LCK: variants seen among roughly 807,000 people sequenced by gnomAD.
The protein encoded by LCK is LCK proto-oncogene, Src family tyrosine kinase.
In LCK, 14 loss-of-function variants were observed where a neutral mutation model predicts 64.6. The ratio of observed to expected loss-of-function variants is 0.22; its 90% CI spans 0.14 to 0.34. LCK has a LOEUF of 0.34. Among genes scored for constraint, LCK ranks in the 10% least tolerant of loss-of-function variants. The pLI is 1.00. For synonymous variants in LCK, 277 were observed against 263.6 expected, an observed-to-expected ratio of 1.05 and a Z score of -0.49; for missense variants, 434 against 668.1, an observed-to-expected ratio of 0.65 and a Z score of 3.86.
At position 32,275,491 on chromosome 1, in the gene LCK, G is replaced by T; in HGVS notation, c.377+72G>T. The T allele has an allele frequency of 6.3e-7, 1 of 1,574,922 alleles. No homozygotes were observed. Among genetic ancestry groups the T allele is most frequent in the South Asian group, 1.1e-5 (1 of 88,394 alleles). The stretch of plus-strand genomic sequence containing the variant: ...TCCTGGAGCAGGGAGTAGGCCTGGG[G>T]TGGCGGTGAAGGCTTGAGGGCCACG... On this transcript the variant is annotated intron_variant, in intron 5 of 12. Coordinates refer to ENST00000336890, the MANE Select transcript of LCK (RefSeq NM_005356.5). This position sits in a 1 kb window ranked among gnomAD's most constrained non-coding sequence, Gnocchi z 6.9.
At chr1:32,282,618 A>T (rs2124376702) in intron 12 of LCK, among the ~76,000 whole-genome samples, 1 of 152,190 alleles carries the variant, frequency 6.6e-6, no homozygotes, top group African/African-American at 2.4e-5. Context: ...AGCCTGGCCA[A>T]CATGGTGAAA....
In LCK at chr1:32,276,649, A is replaced by T. The variant is rs1221231626; in HGVS notation, c.827A>T (p.Lys276Met). ...GHTKVAVKSL[K>M]QGSMSPDAFL... ...ACGAAGGTGGCGGTGAAGAGCCTGA[A>T]GCAGGGCAGCATGTCCCCGGACGCC... is the stretch of plus-strand genomic sequence containing the variant. Residue 276 changes from lysine to methionine, a missense_variant, in exon 9 of 13, where the codon AAG becomes ATG. By Grantham distance (95) the Lys-to-Met change is moderately conservative (BLOSUM62 -1). This residue lies in a region of LCK where 201 missense variants were observed against 376.9 expected (regional missense o/e 0.53). Coordinates refer to ENST00000336890, the MANE Select transcript of LCK (RefSeq NM_005356.5). The surrounding 1 kb of genome is among the most constrained non-coding windows in gnomAD (Gnocchi z 4.6). 6.2e-7 allele frequency: 1 copy of T among 1,613,944 alleles called. No individual in the cohort carries two copies. The highest frequency in any genetic ancestry group is 8.5e-7 in the Non-Finnish European group (1 of 1,179,922).
intron 1 of LCK, among the ~76,000 whole-genome samples, chr1:32,272,492 G>A (rs568448800): frequency 6.6e-5 from 10 of 151,916 alleles, no homozygotes; most frequent in African/African-American, 2.4e-4. Flanking sequence ...GGTTGAGGTG[G>A]GAAGATTGCT....
chr1:32,263,092 G>T (rs954446833), intron 1 of LCK, among the ~76,000 whole-genome samples: 3 of 152,096 alleles, frequency 2.0e-5, no homozygotes, highest in Non-Finnish European at 4.4e-5. Context: ...ATTTTGTGAT[G>T]ATTATAAAAA....
In LCK at chr1:32,251,576, C is replaced by T. The variant is rs112546466; in HGVS notation, c.-6+205C>T. ...CGAAGCTGGTGTCGCTTGCCTCTGTCGTGCTGTCCACCAGTGGCCCCACCT... is the reference window on the plus strand; with the variant it reads ...CGAAGCTGGTGTCGCTTGCCTCTGTTGTGCTGTCCACCAGTGGCCCCACCT... On this transcript the variant is annotated intron_variant, in intron 1 of 12. Transcript: ENST00000336890. The surrounding 1 kb of genome is among the most constrained non-coding windows in gnomAD (Gnocchi z 4.0). Among the ~76,000 whole-genome samples the T allele has an allele frequency of 1.2e-4, 18 of 152,158 alleles. No individual in the cohort carries two copies. The highest frequency in any genetic ancestry group is 2.9e-4 in the African/African-American group (12 of 41,428).
chr1:32,274,675 G>A (rs2124351515), intron 2 of LCK, 62 bp from the exon 3 acceptor site: 3 of 1,344,472 alleles, frequency 2.2e-6, no homozygotes, highest in East Asian at 4.6e-5. Context: ...CAGGGGGGAA[G>A]GGGGCCAGGG....
chr1:32,267,741 A>T (rs1269427868), intron 1 of LCK, among the ~76,000 whole-genome samples: 1 of 152,114 alleles, frequency 6.6e-6, no homozygotes, highest in Non-Finnish European at 1.5e-5. Context: ...TAAAAAATAC[A>T]GAATTAGCCG....
chr1:32,281,397 G>A (rs1395755004), intron 12 of LCK, among the ~76,000 whole-genome samples: 3 of 150,056 alleles, frequency 2.0e-5, no homozygotes, highest in South Asian at 2.1e-4. Context: ...GAGGTTGAGG[G>A]TGCAGTGAGC....
intron 1 of LCK, among the ~76,000 whole-genome samples, chr1:32,262,965 T>C (rs1639815886): frequency 6.6e-6 from 1 of 152,006 alleles, no homozygotes; most frequent in Non-Finnish European, 1.5e-5. Flanking sequence ...GGACATTCTT[T>C]TCTCCCAATT....
chr1:32,285,567 C>G lies in LCK; in HGVS notation c.1381C>G (p.Arg461Gly). The change falls in exon 13 of 13, where the codon CGC (arginine) becomes GGC (glycine). Residue 461 changes from arginine (R) to glycine (G), a missense_variant. This residue lies in a region of LCK where 201 missense variants were observed against 376.9 expected (regional missense o/e 0.53). Transcript: ENST00000336890. ...CCTGGAGCGAGGCTACCGCATGGTG[C>G]GCCCTGACAACTGTCCAGAGGAGCT... ...QNLERGYRMV[R>G]PDNCPEELYQ... The G allele has an allele frequency of 6.2e-7, 1 of 1,614,230 alleles. No individual in the cohort carries two copies. The highest frequency in any genetic ancestry group is 8.5e-7 in the Non-Finnish European group (1 of 1,180,040).
intron 1 of LCK, among the ~76,000 whole-genome samples, chr1:32,265,962 C>A (rs1340156080): frequency 6.6e-6 from 1 of 152,138 alleles, no homozygotes; most frequent in Non-Finnish European, 1.5e-5. Context: ...AGCACCCGGC[C>A]TTGTTTTGAG....
At chr1:32,262,882 A>C (rs1639813269) in intron 1 of LCK, among the ~76,000 whole-genome samples, 2 of 151,916 alleles carry the variant, frequency 1.3e-5, no homozygotes, top group Non-Finnish European at 1.5e-5. Flanking sequence ...AAAAAAAAAA[A>C]AAAAACAGAT....
rs377122627 is a variant in LCK at position 32,275,997 on chromosome 1, G to C, written c.565G>C (p.Gly189Arg). ...TTACAAGATCCGTAATCTGGACAAC[G>C]GTGGCTTCTACATCTCCCCTCGAAT... ...KHYKIRNLDN[G>R]GFYISPRITF... Residue 189 changes from glycine (G) to arginine (R), a missense_variant, in exon 7 of 13, where the codon GGT (glycine) becomes CGT (arginine). By Grantham distance (125) the Gly-to-Arg change is moderately radical. Coordinates refer to ENST00000336890, the MANE Select transcript of LCK (RefSeq NM_005356.5). This position sits in a 1 kb window ranked among gnomAD's most constrained non-coding sequence, Gnocchi z 6.9. The C allele has an allele frequency of 1.3e-5, 21 of 1,614,024 alleles. No individual in the cohort carries two copies. Among genetic ancestry groups the C allele is most frequent in the African/African-American group, 2.7e-5 (2 of 74,908 alleles).
chr1:32,272,406 T>G lies in LCK; in HGVS notation c.-5-1919T>G, dbSNP rs185919103. On this transcript the variant is annotated intron_variant, in intron 1 of 12. Transcript: ENST00000336890. Reference sequence around the variant, plus strand: ...GAGTTCGAGATCAGACTGGGCAACATAGTGAGACCTCATCTCTACAAAAAA... The same window carrying G: ...GAGTTCGAGATCAGACTGGGCAACAGAGTGAGACCTCATCTCTACAAAAAA... Among the ~76,000 whole-genome samples, 520 of 151,650 alleles carry G rather than the reference T, an allele frequency of 3.4e-3. 5 individuals are homozygous for G. Among genetic ancestry groups the G allele is most frequent in the South Asian group, 0.023 (111 of 4,804 alleles).
intron 1 of LCK, among the ~76,000 whole-genome samples, chr1:32,273,270 T>C (rs945150265): frequency 6.8e-5 from 10 of 148,138 alleles, no homozygotes; most frequent in African/African-American, 2.5e-4. Context: ...GGAGTACCTG[T>C]GAGGGGTGAG....
intron 12 of LCK, among the ~76,000 whole-genome samples, chr1:32,283,923 C>G (rs1310360504): frequency 6.6e-6 from 1 of 152,016 alleles, no homozygotes; most frequent in African/African-American, 2.4e-5. Flanking sequence ...CTCTGTCACC[C>G]AGGCTGGAGT....
chr1:32,276,183 G>C lies in LCK; in HGVS notation c.631+120G>C. ...CATTCCCCGCAGTGGGTGAGGTGTG[G>C]AACCTGACCCTACGGCCCCAAGTGT... On this transcript the variant is annotated intron_variant, in intron 7 of 12. Transcript: ENST00000336890. This position sits in a 1 kb window ranked among gnomAD's most constrained non-coding sequence, Gnocchi z 4.6. 6.9e-7 allele frequency: 1 copy of C among 1,453,928 alleles called. No homozygotes were observed. The highest frequency in any genetic ancestry group is 9.4e-7 in the Non-Finnish European group (1 of 1,065,852). 90.1% of individuals were successfully genotyped at this position (1,453,928 alleles called of 1,614,324 possible). A position where few individuals can be genotyped will look rare whatever the true frequency, so the allele number is the denominator to read the frequency against.
chr1:32,275,490 G>T lies in LCK; in HGVS notation c.377+71G>T. On this transcript the variant is annotated intron_variant, in intron 5 of 12. Transcript: ENST00000336890. The surrounding 1 kb of genome is among the most constrained non-coding windows in gnomAD (Gnocchi z 6.9). The stretch of plus-strand genomic sequence containing the variant: ...ATCCTGGAGCAGGGAGTAGGCCTGG[G>T]GTGGCGGTGAAGGCTTGAGGGCCAC... 2 of 1,574,930 alleles carry T rather than the reference G, an allele frequency of 1.3e-6. No individual in the cohort carries two copies. Among genetic ancestry groups the T allele is most frequent in the Non-Finnish European group, 1.7e-6 (2 of 1,153,100 alleles).
At chr1:32,270,091 G>A (rs974445445) in intron 1 of LCK, among the ~76,000 whole-genome samples, 1 of 151,996 alleles carries the variant, frequency 6.6e-6, no homozygotes, top group Non-Finnish European at 1.5e-5. Context: ...GACCCAGCAT[G>A]AATTCTCTCT....
Sources: gnomAD v4.1 joint callset for allele counts (sites outside exome capture counted in the v4.1 genomes callset) on GRCh38, gnomAD v4.1.1 for gene constraint, gnomAD v4.1.1 regional missense constraint, Gnocchi (gnomAD v3.1) non-coding constraint, MANE v1.5 for transcripts, NCBI Gene and HGNC (gene_info 2026-07-23, HGNC 2026-07-21) for gene names.